KPNB1: variants seen among roughly 807,000 people sequenced by gnomAD.
The protein encoded by KPNB1 is importin subunit beta-1.
In KPNB1, 7 loss-of-function variants were observed where a neutral mutation model predicts 113.0. The ratio of observed to expected loss-of-function variants is 0.06; its 90% CI spans 0.04 to 0.12. KPNB1 has a LOEUF of 0.12. Among genes scored for constraint, KPNB1 ranks in the 10% least tolerant of loss-of-function variants. KPNB1 has a pLI of 1.00. For synonymous variants in KPNB1, 363 were observed against 378.6 expected (o/e 0.96, Z 0.48); for missense variants, 400 against 1,054.8 (o/e 0.38, Z 8.60).
Position 47,658,501 on chromosome 17 carries a change from G to A in KPNB1, c.484-7G>A. ...GTATATTCATTGCACTTCTCTGCTT[G>A]TTACAGGACCCAGAGCAGCTACAAG... On this transcript the variant is annotated splice_region_variant and splice_polypyrimidine_tract_variant and intron_variant, in intron 4 of 21. Transcript: ENST00000290158. The A allele has an allele frequency of 1.2e-6, 2 of 1,611,162 alleles. No individual in the cohort carries two copies. Among genetic ancestry groups the A allele is most frequent in the South Asian group, 2.2e-5 (2 of 91,032 alleles).
chr17:47,660,532 C>CT (rs2030062166), intron 5 of KPNB1, among the ~76,000 whole-genome samples: 1 of 152,192 alleles, frequency 6.6e-6, no homozygotes, highest in Non-Finnish European at 1.5e-5. Flanking sequence ...TTTGTTGACA[C>CT]TTCAGCTGGG....
chr17:47,670,625 G>C, intron 11 of KPNB1, 77 bp from the exon 12 acceptor site: 2 of 1,459,952 alleles, frequency 1.4e-6, no homozygotes, highest in Non-Finnish European at 1.8e-6. Context: ...ACGGCCCAAA[G>C]TATCTTAATG....
chr17:47,679,126 C>A (rs2030697962), intron 19 of KPNB1, among the ~76,000 whole-genome samples: 1 of 151,464 alleles, frequency 6.6e-6, no homozygotes, highest in Non-Finnish European at 1.5e-5. Context: ...GGGATTTCAC[C>A]ATGTTTTGCA....
chr17:47,674,515 A>G, intron 14 of KPNB1, 123 bp from the exon 15 acceptor site: 2 of 867,114 alleles, frequency 2.3e-6, no homozygotes, highest in Non-Finnish European at 3.6e-6. Context: ...TGTATAAAAT[A>G]CATTTGGCAT....
chr17:47,674,437 G>A (rs971280366), intron 14 of KPNB1, among the ~76,000 whole-genome samples: 1 of 152,200 alleles, frequency 6.6e-6, no homozygotes, highest in Non-Finnish European at 1.5e-5. Context: ...GCTCACGTTT[G>A]TTCTGAATTG....
At chr17:47,653,001 TA>T in intron 3 of KPNB1, 125 bp downstream of exon 3, 1 of 575,772 alleles carries the variant, frequency 1.7e-6, no homozygotes, top group East Asian at 3.2e-5. Context: ...CAACTTTACC[TA>T]AAGATAAAAA....
chr17:47,655,250 A>G (rs1262020215), intron 3 of KPNB1, among the ~76,000 whole-genome samples: 1 of 152,206 alleles, frequency 6.6e-6, no homozygotes, highest in Non-Finnish European at 1.5e-5. Flanking sequence ...CTCTAGGTCA[A>G]TTGTGGCTTC....
intron 5 of KPNB1, among the ~76,000 whole-genome samples, chr17:47,659,588 A>C (rs993963127): frequency 6.6e-6 from 1 of 152,176 alleles, no homozygotes; most frequent in Admixed American, 6.5e-5. Context: ...CCCTGTCTCT[A>C]AAAAAATTTC....
rs888439024 is a variant in KPNB1 at position 47,664,226 on chromosome 17, A to G, written c.854A>G (p.Asn285Ser). ...VALQGIEFWSNVCDEEMDLAI... is the reference protein window; with the variant it reads ...VALQGIEFWSSVCDEEMDLAI... Reference sequence around the variant, plus strand: ...TTACAAGGGATAGAATTCTGGTCCAATGTCTGTGATGAGGAAATGGATTTG... The same window carrying G: ...TTACAAGGGATAGAATTCTGGTCCAGTGTCTGTGATGAGGAAATGGATTTG... Residue 285 changes from asparagine to serine, a missense_variant, in exon 8 of 22, where the codon AAT (asparagine) becomes AGT (serine). Coordinates refer to ENST00000290158, the MANE Select transcript of KPNB1 (RefSeq NM_002265.6). The G allele has an allele frequency of 3.1e-6, 5 of 1,613,494 alleles. No individual in the cohort carries two copies. The highest frequency in any genetic ancestry group is 1.3e-5 in the African/African-American group (1 of 74,880).
intron 2 of KPNB1, chr17:47,651,445 A>G (rs1054548148): frequency 2.9e-6 from 2 of 680,368 alleles, no homozygotes; most frequent in South Asian, 1.3e-4. Context: ...CAAAATGTCA[A>G]CATCAACAAA....
intron 3 of KPNB1, among the ~76,000 whole-genome samples, chr17:47,654,195 A>T (rs1915656294): frequency 6.6e-6 from 1 of 152,138 alleles, no homozygotes; most frequent in South Asian, 2.1e-4. Context: ...TGGGTGGATC[A>T]CCTGAGGTCA....
At chr17:47,669,599 A>G (rs2030391614) in intron 10 of KPNB1, 79 bp from the exon 11 acceptor site, 2 of 1,029,838 alleles carry the variant, frequency 1.9e-6, no homozygotes, top group Admixed American at 1.9e-5. Flanking sequence ...GCCATCCATC[A>G]GTATTTCTTT....
At chr17:47,659,567 AC>A in intron 5 of KPNB1, among the ~76,000 whole-genome samples, 1 of 152,290 alleles carries the variant, frequency 6.6e-6, no homozygotes, top group Admixed American at 6.5e-5. Context: ...AGCCTGTGCA[AC>A]GTAACAAAAC....
chr17:47,673,064 C>T lies in KPNB1; in HGVS notation c.1594C>T (p.Leu532=). ...NNLRSSAYES[L]MEIVKNSAKD... is the part of the protein sequence containing the mutation. Reference sequence around the variant, plus strand: ...CCTGAGGAGTTCTGCATATGAATCTCTGATGGAAATTGTGAAAAACAGTGC... The same window carrying T: ...CCTGAGGAGTTCTGCATATGAATCTTTGATGGAAATTGTGAAAAACAGTGC... Residue 532 remains leucine (L), a synonymous_variant, in exon 13 of 22, where the codon CTG becomes TTG. Coordinates refer to ENST00000290158, the MANE Select transcript of KPNB1 (RefSeq NM_002265.6). 2 of 1,614,116 alleles carry T rather than the reference C, an allele frequency of 1.2e-6. No individual in the cohort carries two copies. Among genetic ancestry groups the T allele is most frequent in the Non-Finnish European group, 1.7e-6 (2 of 1,180,014 alleles).
At chr17:47,676,955 AAAT>A (rs892153831) in intron 16 of KPNB1, 62 bp from the exon 17 acceptor site, 3 of 1,278,776 alleles carry the variant, frequency 2.3e-6, no homozygotes, top group African/African-American at 1.5e-5. Flanking sequence ...AGCTAGTTAA[AAAT>A]AATATCTTGC....
At position 47,678,029 on chromosome 17, in the gene KPNB1, CT is replaced by C; in HGVS notation, c.2104-13del. The C allele has an allele frequency of 1.2e-6, 2 of 1,606,696 alleles. No individual in the cohort carries two copies. Among genetic ancestry groups the C allele is most frequent in the Non-Finnish European group, 1.7e-6 (2 of 1,177,604 alleles). ...CAAGTTTTGACTTAATTCACTTTTCCTTTTGTTCCTTGTCAGAATGAGAACG... is the reference window on the plus strand; with the variant it reads ...CAAGTTTTGACTTAATTCACTTTTCCTTTGTTCCTTGTCAGAATGAGAACG... On this transcript the variant is annotated splice_polypyrimidine_tract_variant and intron_variant, in intron 17 of 21. Coordinates refer to ENST00000290158, the MANE Select transcript of KPNB1 (RefSeq NM_002265.6).
chr17:47,650,498 G>T, intron 2 of KPNB1, 54 bp downstream of exon 2: 9 of 1,540,604 alleles, frequency 5.8e-6, no homozygotes, highest in Non-Finnish European at 7.9e-6. Context: ...CCTGCGTGCG[G>T]GGCCTTCCCG....
chr17:47,668,622 GAA>G (rs1229879038), intron 10 of KPNB1, among the ~76,000 whole-genome samples: 1 of 152,142 alleles, frequency 6.6e-6, no homozygotes, highest in Non-Finnish European at 1.5e-5. Flanking sequence ...AGCCAAAAGA[GAA>G]AAGTCATCTT....
intron 19 of KPNB1, 195 bp downstream of exon 19, chr17:47,678,608 C>T (rs2030681594): frequency 3.5e-6 from 2 of 566,918 alleles, no homozygotes; most frequent in Non-Finnish European, 6.3e-6. Flanking sequence ...TCTGCTTCTT[C>T]TTTCTTTTTT....
Sources: gnomAD v4.1 joint callset for allele counts (sites outside exome capture counted in the v4.1 genomes callset) on GRCh38, gnomAD v4.1.1 for gene constraint, MANE v1.5 for transcripts, NCBI Gene and HGNC (gene_info 2026-07-23, HGNC 2026-07-21) for gene names.